The following ZC3H12B variants were observed in gnomAD, a reference collection of about 807,000 sequenced individuals.
ZC3H12B encodes the protein zinc finger CCCH-type containing 12B.
In ZC3H12B, 7 loss-of-function variants were observed where a neutral mutation model predicts 43.9. The ratio of observed to expected loss-of-function variants is 0.16; its 90% CI spans 0.09 to 0.30. The LOEUF (loss-of-function observed/expected upper bound fraction) is 0.30. ZC3H12B is among the 10% of genes least tolerant of loss of function. The probability of loss-of-function intolerance (pLI) is 1.00; values close to 1 mark genes in which losing one functional copy is unlikely to be tolerated. For synonymous variants in ZC3H12B, 222 were observed against 241.7 expected, an observed-to-expected ratio of 0.92 and a Z score of 0.76; for missense variants, 475 against 670.2, an observed-to-expected ratio of 0.71 and a Z score of 3.22.
At chrX:65,182,260 G>A in the ZC3H12B span, among the ~76,000 whole-genome samples, 1 of 110,590 alleles carries the variant, frequency 9.0e-6, no homozygotes, top group East Asian at 2.8e-4. Context: ...TGGGAGGTGG[G>A]GGCAAGGGGA....
chrX:65,268,856 C>T, the ZC3H12B span, among the ~76,000 whole-genome samples: 1 of 112,016 alleles, frequency 8.9e-6, no homozygotes, highest in Non-Finnish European at 1.9e-5. Flanking sequence ...ACTCTCACTA[C>T]TTCTATTTAT....
At chrX:65,168,337 T>C in the ZC3H12B span, among the ~76,000 whole-genome samples, 3 of 111,842 alleles carry the variant, frequency 2.7e-5, no homozygotes, top group Non-Finnish European at 1.9e-5. Flanking sequence ...CTTGATTACA[T>C]TTATTGATTT....
the ZC3H12B span, among the ~76,000 whole-genome samples, chrX:65,062,580 A>T: frequency 1.8e-5 from 2 of 111,738 alleles, no homozygotes; most frequent in Admixed American, 9.5e-5. Context: ...GTATAGTTTG[A>T]GGTCAAGTAG....
the ZC3H12B span, among the ~76,000 whole-genome samples, chrX:65,337,319 T>C: frequency 2.7e-5 from 3 of 112,027 alleles, no homozygotes; most frequent in East Asian, 8.4e-4. Flanking sequence ...AGTTCTTGGA[T>C]TTTGTGCAAG....
chrX:65,130,536 C>G, the ZC3H12B span, among the ~76,000 whole-genome samples: 1 of 110,733 alleles, frequency 9.0e-6, no homozygotes, highest in East Asian at 2.9e-4. Flanking sequence ...GGGAGGGGGC[C>G]TGAACAATCC....
the ZC3H12B span, among the ~76,000 whole-genome samples, chrX:65,256,976 G>T: frequency 4.5e-5 from 5 of 112,239 alleles, no homozygotes; most frequent in African/African-American, 1.6e-4. Context: ...AGGATGTGGA[G>T]AAATAGGAAC....
At chrX:65,195,188 C>T in the ZC3H12B span, among the ~76,000 whole-genome samples, 1 of 109,589 alleles carries the variant, frequency 9.1e-6, no homozygotes, top group African/African-American at 3.3e-5. Context: ...TAAGGGTTTA[C>T]TTCTGCTATT....
the ZC3H12B span, among the ~76,000 whole-genome samples, chrX:65,295,816 A>G: frequency 2.7e-5 from 3 of 111,384 alleles, no homozygotes; most frequent in East Asian, 2.8e-4. Context: ...GAGATAGATA[A>G]ATTCCTGGAA....
the ZC3H12B span, among the ~76,000 whole-genome samples, chrX:65,212,170 A>AT: frequency 6.1e-5 from 3 of 48,895 alleles, no homozygotes; most frequent in African/African-American, 2.5e-4. Flanking sequence ...TATAATATAT[A>AT]ATATTATATA....
At chrX:65,265,807 G>A in the ZC3H12B span, among the ~76,000 whole-genome samples, 2 of 111,909 alleles carry the variant, frequency 1.8e-5, no homozygotes, top group African/African-American at 6.5e-5. Flanking sequence ...TAAATAATAA[G>A]AAAACCAGCA....
the ZC3H12B span, among the ~76,000 whole-genome samples, chrX:65,170,651 C>T: frequency 8.9e-6 from 1 of 111,882 alleles, no homozygotes; most frequent in African/African-American, 3.2e-5. Context: ...TTCCATTCTC[C>T]CTGTCACTTT....
At chrX:65,291,104 A>C in the ZC3H12B span, among the ~76,000 whole-genome samples, 1 of 111,133 alleles carries the variant, frequency 9.0e-6, no homozygotes, top group South Asian at 3.8e-4. Flanking sequence ...ATGAGATATC[A>C]CTTCACATCT....
intron 3 of ZC3H12B, among the ~76,000 whole-genome samples, chrX:65,431,715 C>T (rs1377057240): frequency 8.9e-6 from 1 of 112,328 alleles, no homozygotes; most frequent in Non-Finnish European, 1.9e-5. Context: ...CCCCACATTT[C>T]TTTGTCACCA....
the ZC3H12B span, among the ~76,000 whole-genome samples, chrX:65,232,497 G>T: frequency 8.1e-5 from 9 of 111,690 alleles, no homozygotes; most frequent in African/African-American, 2.9e-4. Context: ...TTGTTATTTT[G>T]CTTTTCATTG....
the ZC3H12B span, among the ~76,000 whole-genome samples, chrX:65,105,138 C>T: frequency 9.0e-6 from 1 of 110,629 alleles, no homozygotes; most frequent in African/African-American, 3.3e-5. Context: ...TCATCCTCAG[C>T]AAACTAACAC....
chrX:65,400,784 A>G (rs923934172), intron 3 of ZC3H12B, among the ~76,000 whole-genome samples: 2 of 111,588 alleles, frequency 1.8e-5, no homozygotes, highest in Admixed American at 9.5e-5. Context: ...CAACAGCTTC[A>G]TTTTTCAATT....
chrX:65,165,083 TG>T, the ZC3H12B span, among the ~76,000 whole-genome samples: 1 of 111,695 alleles, frequency 9.0e-6, no homozygotes, highest in Non-Finnish European at 1.9e-5. Context: ...AGTAGATATT[TG>T]TTGTAGAAAT....
At chrX:65,053,481 C>T in the ZC3H12B span, among the ~76,000 whole-genome samples, 1 of 111,638 alleles carries the variant, frequency 9.0e-6, no homozygotes, top group Admixed American at 9.5e-5. Context: ...TGTATATGTG[C>T]CACATTTTCT....
intron 3 of ZC3H12B, among the ~76,000 whole-genome samples, chrX:65,448,124 A>T (rs1364811299): frequency 9.0e-6 from 1 of 110,621 alleles, no homozygotes; most frequent in Non-Finnish European, 1.9e-5. Context: ...AGTCCCAGCT[A>T]CTCAGAAGAC....
Sources: allele counts gnomAD v4.1 joint callset (sites outside exome capture counted in the v4.1 genomes callset), GRCh38; gene constraint gnomAD v4.1.1; transcripts MANE v1.5; gene names NCBI Gene and HGNC (gene_info 2026-07-23, HGNC 2026-07-21).